Variants in MED30 observed in about 807,000 individuals in gnomAD.
MED30 encodes the protein mediator complex subunit 30.
MED30 carries 8 observed loss-of-function variants against 21.7 expected under a neutral mutation model. The ratio of observed to expected loss-of-function variants is 0.37; its 90% CI spans 0.22 to 0.67. MED30 has a LOEUF of 0.67. Among genes scored for constraint, MED30 ranks in the 30% least tolerant of loss-of-function variants. The probability of loss-of-function intolerance (pLI) is 0.58; values close to 1 mark genes in which losing one functional copy is unlikely to be tolerated. For missense variants in MED30, 203 were observed against 228.2 expected (o/e 0.89, Z 0.71); for synonymous variants, 79 against 86.7 (o/e 0.91, Z 0.49).
chr8:117,528,750 AG>A lies in MED30; in HGVS notation c.278del (p.Arg93AsnfsTer53). The A allele has an allele frequency of 6.2e-7, 1 of 1,611,250 alleles. No homozygotes were observed. Among genetic ancestry groups the A allele is most frequent in the East Asian group, 2.2e-5 (1 of 44,768 alleles). ...ACTTTCAGTTCTCTTCAGGAAGCTG[AG>A]ATTGGTATATGACAAATGCAATGAA... Reference protein sequence around the residue: ...RQLSVLFRKLRLVYDKCNENC... With the variant: ...RQLSVLFRKLXLVYDKCNENC... On this transcript the variant is annotated frameshift_variant, in exon 2 of 4. Coordinates refer to ENST00000297347, the MANE Select transcript of MED30 (RefSeq NM_080651.4). LOFTEE classifies it high-confidence loss of function.
At position 117,528,799 on chromosome 8, in the gene MED30, T is replaced by C. The variant is rs746781686; in HGVS notation, c.326T>C (p.Ile109Thr). The C allele has an allele frequency of 6.3e-7, 1 of 1,599,114 alleles. No individual in the cohort carries two copies. Among genetic ancestry groups the C allele is most frequent in the South Asian group, 1.1e-5 (1 of 88,680 alleles). The stretch of plus-strand genomic sequence containing the variant: ...GAAAACTGTGGTGGGATGGATCCCA[T>C]TCCAGTCGAGGTAATTTTTTGTGAT... ...CNENCGGMDPIPVEQLIPYVE... is the reference protein window; with the variant it reads ...CNENCGGMDPTPVEQLIPYVE... Residue 109 changes from isoleucine (I) to threonine (T), a missense_variant, in exon 2 of 4, where the codon ATT becomes ACT. Physicochemically the swap from Ile to Thr is moderately conservative, Grantham distance 89. Coordinates refer to ENST00000297347, the MANE Select transcript of MED30 (RefSeq NM_080651.4).
intron 3 of MED30, among the ~76,000 whole-genome samples, chr8:117,536,058 A>G (rs7838187): frequency 0.011 from 1,613 of 152,124 alleles, 35 homozygotes; most frequent in African/African-American, 0.037. Context: ...TTTTTCTTCA[A>G]ACATGAAAAT....
rs116440127 is a variant in MED30, at chr8:117,528,459, A to C, written c.178-192A>C. Among the ~76,000 whole-genome samples the C allele has an allele frequency of 9.6e-3, 1,455 of 152,104 alleles. 22 individuals carry two copies. The highest frequency in any genetic ancestry group is 0.032 in the African/African-American group (1,339 of 41,542). On this transcript the variant is annotated intron_variant, in intron 1 of 3. Coordinates refer to ENST00000297347, the MANE Select transcript of MED30 (RefSeq NM_080651.4). ...TAGGTCTGTTTTATAGCAGTGAAAC[A>C]GGTATGCCAAGTTGTTAATAAATGG...
chr8:117,530,113 G>A (rs1028436225), intron 2 of MED30, among the ~76,000 whole-genome samples: 3 of 151,900 alleles, frequency 2.0e-5, no homozygotes, highest in South Asian at 2.1e-4. Flanking sequence ...ACTTAATTAC[G>A]ATTCTGCTAG....
intron 1 of MED30, among the ~76,000 whole-genome samples, chr8:117,527,445 C>T (rs181060802): frequency 1.3e-5 from 2 of 151,828 alleles, no homozygotes; most frequent in Admixed American, 1.3e-4. Context: ...ACTTGTAAAC[C>T]ATAACAGTAC....
intron 3 of MED30, among the ~76,000 whole-genome samples, chr8:117,533,399 C>T (rs1818819107): frequency 6.6e-6 from 1 of 152,122 alleles, no homozygotes; most frequent in African/African-American, 2.4e-5. Context: ...TTCTTTCTCC[C>T]CATGAGGATT....
chr8:117,528,580 G>C, intron 1 of MED30, 71 bp from the exon 2 acceptor site: 1 of 1,386,986 alleles, frequency 7.2e-7, no homozygotes, highest in Non-Finnish European at 9.7e-7. Flanking sequence ...CTGTTTGTTG[G>C]CTTTACTTAT....
intron 3 of MED30, among the ~76,000 whole-genome samples, chr8:117,538,685 T>C (rs1818922642): frequency 6.6e-6 from 1 of 152,198 alleles, no homozygotes; most frequent in African/African-American, 2.4e-5. Flanking sequence ...AGAAGTTCTC[T>C]ATTTCTATCT....
At chr8:117,535,703 T>TTAAG (rs1818868733) in intron 3 of MED30, among the ~76,000 whole-genome samples, 1 of 152,162 alleles carries the variant, frequency 6.6e-6, no homozygotes, top group Non-Finnish European at 1.5e-5. Flanking sequence ...ATTCATAAAC[T>TTAAG]TAAGTTTTTG....
At chr8:117,528,016 T>A (rs1178548543) in intron 1 of MED30, among the ~76,000 whole-genome samples, 1 of 151,884 alleles carries the variant, frequency 6.6e-6, no homozygotes, top group East Asian at 1.9e-4. Flanking sequence ...TAAAAATATA[T>A]CCATATCTAA....
chr8:117,529,911 A>G (rs1818770726), intron 2 of MED30, among the ~76,000 whole-genome samples: 1 of 152,010 alleles, frequency 6.6e-6, no homozygotes, highest in Non-Finnish European at 1.5e-5. Context: ...TGAAAGAAAG[A>G]AAAGGAGAAT....
At chr8:117,532,966 G>C (rs1818811521) in intron 3 of MED30, among the ~76,000 whole-genome samples, 1 of 151,840 alleles carries the variant, frequency 6.6e-6, no homozygotes, top group African/African-American at 2.4e-5. Context: ...AATGTGTTCT[G>C]CTTATGTTTC....
chr8:117,524,614 T>G (rs971453368), intron 1 of MED30, among the ~76,000 whole-genome samples: 3 of 152,202 alleles, frequency 2.0e-5, no homozygotes, highest in African/African-American at 7.2e-5. Context: ...ATCTTTAATT[T>G]TTAAAATACA....
In MED30 at chr8:117,530,773, T is replaced by C; in HGVS notation, c.387T>C (p.Ala129=). ...ATGGCTCAAAGAATGATGATCGGGCTGGCCCACCTCGTTTTGCTAGTGAAG... is the reference window on the plus strand; with the variant it reads ...ATGGCTCAAAGAATGATGATCGGGCCGGCCCACCTCGTTTTGCTAGTGAAG... ...EEDGSKNDDR[A]GPPRFASEER... is the part of the protein sequence containing the mutation. Residue 129 remains alanine, a synonymous_variant, in exon 3 of 4, where the codon GCT becomes GCC. Transcript: ENST00000297347. 8 of 1,612,646 alleles carry C rather than the reference T, an allele frequency of 5.0e-6. No homozygotes were observed. Among genetic ancestry groups the C allele is most frequent in the Non-Finnish European group, 6.8e-6 (8 of 1,179,038 alleles).
At position 117,539,949 on chromosome 8, in the gene MED30, A is replaced by G; in HGVS notation, c.508A>G (p.Ile170Val). 6 of 1,607,316 alleles carry G rather than the reference A, an allele frequency of 3.7e-6. No homozygotes were observed. The highest frequency in any genetic ancestry group is 4.3e-6 in the Non-Finnish European group (5 of 1,176,302). The part of the protein sequence containing the change: ...MDQLRNLIWD[I>V]NAMLAMRN Reference sequence around the variant, plus strand: ...TCAATTACGAAATCTCATCTGGGATATAAATGCCATGTTGGCAATGAGGAA... The same window carrying G: ...TCAATTACGAAATCTCATCTGGGATGTAAATGCCATGTTGGCAATGAGGAA... Residue 170 changes from isoleucine to valine, a missense_variant, in exon 4 of 4, where the codon ATA (isoleucine) becomes GTA (valine). By Grantham distance (29) the Ile-to-Val change is conservative (BLOSUM62 3). Transcript: ENST00000297347.
intron 3 of MED30, among the ~76,000 whole-genome samples, chr8:117,533,420 C>T (rs1465138433): frequency 6.6e-6 from 1 of 152,164 alleles, no homozygotes; most frequent in Non-Finnish European, 1.5e-5. Context: ...TAGCTCCCTA[C>T]AGCCTCTCTC....
At chr8:117,534,688 CTCTT>C (rs1818841656) in intron 3 of MED30, among the ~76,000 whole-genome samples, 1 of 152,082 alleles carries the variant, frequency 6.6e-6, no homozygotes, top group Non-Finnish European at 1.5e-5. Flanking sequence ...CCTCATAACT[CTCTT>C]TGTATGAATT....
At chr8:117,535,811 G>A (rs1045958127) in intron 3 of MED30, among the ~76,000 whole-genome samples, 3 of 151,636 alleles carry the variant, frequency 2.0e-5, no homozygotes, top group African/African-American at 7.3e-5. Context: ...TAAAGTTCAC[G>A]GAATCTTAGC....
At chr8:117,522,832 C>A (rs1404328381) in intron 1 of MED30, among the ~76,000 whole-genome samples, 2 of 151,986 alleles carry the variant, frequency 1.3e-5, no homozygotes, top group African/African-American at 4.8e-5. Context: ...TAAATAATGT[C>A]TCAGAATTTA....
Sources: allele counts gnomAD v4.1 joint callset (sites outside exome capture counted in the v4.1 genomes callset), GRCh38; gene constraint gnomAD v4.1.1; transcripts MANE v1.5; gene names NCBI Gene and HGNC (gene_info 2026-07-23, HGNC 2026-07-21).